ACAN: variants seen among roughly 807,000 people sequenced by gnomAD.
ACAN encodes the protein aggrecan.
ACAN carries 47 observed loss-of-function variants against 169.1 expected under a neutral mutation model. The ratio of observed to expected loss-of-function variants is 0.28; its 90% CI spans 0.22 to 0.35. The LOEUF (loss-of-function observed/expected upper bound fraction) is 0.35, where lower values mean the gene tolerates loss of function less well. Ranked by LOEUF, ACAN falls within the 10% of genes least tolerant of loss-of-function variation. The pLI, the probability that ACAN is intolerant of heterozygous loss-of-function variation, is 1.00. For missense variants in ACAN, 2,716 were observed against 2,759.9 expected (o/e 0.98, Z 0.36); for synonymous variants, 1,115 against 1,112.2 (o/e 1.00, Z -0.05).
Position 88,871,910 on chromosome 15 carries a change from C to A in ACAN, c.7220-93C>A. On this transcript the variant is annotated intron_variant, in intron 15 of 18. Coordinates refer to ENST00000560601, the MANE Select transcript of ACAN (RefSeq NM_001369268.1). The surrounding 1 kb of genome is among the most constrained non-coding windows in gnomAD (Gnocchi z 7.8). ...TCCTAGGAGCCCACCCACCTCCTTT[C>A]CTCCTCCATCCCCTCTGCCTCCGTG... 1.7e-6 allele frequency: 2 copies of A among 1,162,310 alleles called. No individual in the cohort carries two copies. Among genetic ancestry groups the A allele is most frequent in the Non-Finnish European group, 2.6e-6 (2 of 770,808 alleles). The allele number at this position is 1,162,310 out of a possible 1,614,324, so 72.0% of individuals were successfully genotyped here.
At chr15:88,820,234 C>CTAGT (rs1370194882) in intron 1 of ACAN, among the ~76,000 whole-genome samples, 5 of 152,156 alleles carry the variant, frequency 3.3e-5, no homozygotes, top group Admixed American at 1.3e-4. Context: ...CATGCTCCTC[C>CTAGT]CAGTCAGTCT....
At chr15:88,853,591 T>C (rs150886765) in intron 11 of ACAN, among the ~76,000 whole-genome samples, 1,715 of 152,196 alleles carry the variant, frequency 0.011, 25 homozygotes, top group African/African-American at 0.039. Flanking sequence ...TCAGCCAAGA[T>C]GGTGCCACCG....
At position 88,807,521 on chromosome 15, in the gene ACAN, G is replaced by A. The variant is rs1252612306; in HGVS notation, c.-8+3712G>A. Among the ~76,000 whole-genome samples the A allele has an allele frequency of 1.3e-5, 2 of 152,172 alleles. No homozygotes were observed. The highest frequency in any genetic ancestry group is 1.3e-4 in the Admixed American group (2 of 15,276). On this transcript the variant is annotated intron_variant, in intron 1 of 18. Transcript: ENST00000560601. This position sits in a 1 kb window ranked among gnomAD's most constrained non-coding sequence, Gnocchi z 4.0. ...CAACAGGACACAGCCATCCCTGCGA[G>A]GGAGTCTGGGCCCCTGGACGCAGTT...
intron 1 of ACAN, among the ~76,000 whole-genome samples, chr15:88,804,886 T>C (rs1895638777): frequency 6.6e-6 from 1 of 152,000 alleles, no homozygotes; most frequent in South Asian, 2.1e-4. Flanking sequence ...CAAAGCTGAA[T>C]TGGGTTAGCA....
chr15:88,830,524 C>T (rs1341175929), intron 1 of ACAN, among the ~76,000 whole-genome samples: 3 of 152,044 alleles, frequency 2.0e-5, no homozygotes, highest in East Asian at 1.9e-4. Flanking sequence ...GTACTGAATA[C>T]TGTATTTTTA....
intron 1 of ACAN, among the ~76,000 whole-genome samples, chr15:88,816,069 A>T (rs754793683): frequency 1.2e-4 from 18 of 152,062 alleles, no homozygotes; most frequent in Non-Finnish European, 2.4e-4. Context: ...CTCGGCTGTC[A>T]CTTGGTGATC....
At chr15:88,850,630 C>T (rs1026745743) in intron 10 of ACAN, 1 of 152,092 alleles carries the variant, frequency 6.6e-6, no homozygotes. Context: ...CCCAGACATC[C>T]AGGGTCACCT....
In ACAN at chr15:88,874,334, G is replaced by A. The variant is rs1347941758; in HGVS notation, c.7631-71G>A. The A allele has an allele frequency of 7.1e-7, 1 of 1,414,690 alleles. No homozygotes were observed. Among genetic ancestry groups the A allele is most frequent in the Non-Finnish European group, 9.8e-7 (1 of 1,023,478 alleles). 87.6% of individuals were successfully genotyped at this position (1,414,690 alleles called of 1,614,324 possible). On this transcript the variant is annotated intron_variant, in intron 18 of 18. Coordinates refer to ENST00000560601, the MANE Select transcript of ACAN (RefSeq NM_001369268.1). This position sits in a 1 kb window ranked among gnomAD's most constrained non-coding sequence, Gnocchi z 7.3. ...TTCCACAAGGGAGAGAGGGTAGTCT[G>A]GGGAGAGCCTGGGCTCGCCCCACTT...
At position 88,854,111 on chromosome 15, in the gene ACAN, T is replaced by C. The variant is rs183468036; in HGVS notation, c.2267-741T>C. Among the ~76,000 whole-genome samples, 178 of 152,378 alleles carry C rather than the reference T, an allele frequency of 1.2e-3. No homozygotes were observed. In the Middle Eastern group the frequency reaches 0.014, roughly 12 times the overall value. ...TTGTGGGGTTTCCTTTTTTCATTTC[T>C]CTGTTTTTCAAATTGTCTGTAACAG... On this transcript the variant is annotated intron_variant, in intron 11 of 18. Coordinates refer to ENST00000560601, the MANE Select transcript of ACAN (RefSeq NM_001369268.1).
chr15:88,804,335 G>A (rs1895621805), intron 1 of ACAN, among the ~76,000 whole-genome samples: 1 of 152,188 alleles, frequency 6.6e-6, no homozygotes, highest in Admixed American at 6.5e-5. Context: ...CGGGTCCTAA[G>A]CCGAGGCTAG....
chr15:88,836,323 A>C (rs991770830), intron 2 of ACAN, 47 bp downstream of exon 2: 11 of 1,489,434 alleles, frequency 7.4e-6, no homozygotes, highest in Non-Finnish European at 1.0e-5. Context: ...AGGCATGAGT[A>C]GTGGGTTTGA....
At position 88,873,897 on chromosome 15, in the gene ACAN, G is replaced by C; in HGVS notation, c.7503G>C (p.Lys2501Asn). 2 of 1,613,862 alleles carry C rather than the reference G, an allele frequency of 1.2e-6. No homozygotes were observed. The highest frequency in any genetic ancestry group is 1.7e-6 in the Non-Finnish European group (2 of 1,179,902). Reference sequence around the variant, plus strand: ...ATGCCAGGACCTTCGGGCAGAAGAAGGACCGGTATGAGATCAATTCCCTGG... The same window carrying C: ...ATGCCAGGACCTTCGGGCAGAAGAACGACCGGTATGAGATCAATTCCCTGG... ...VEHARTFGQK[K>N]DRYEINSLVR... Residue 2501 changes from lysine (K) to asparagine (N), a missense_variant, in exon 18 of 19, where the codon AAG becomes AAC. Physicochemically the swap from Lys to Asn is moderately conservative, Grantham distance 94. This residue lies in a region of ACAN where 1,389 missense variants were observed against 1,363.7 expected (regional missense o/e 1.02). Transcript: ENST00000560601. This position sits in a 1 kb window ranked among gnomAD's most constrained non-coding sequence, Gnocchi z 7.5.
chr15:88,859,654 C>G (rs534781631), intron 12 of ACAN, among the ~76,000 whole-genome samples: 5 of 152,206 alleles, frequency 3.3e-5, no homozygotes, highest in Non-Finnish European at 2.9e-5. Context: ...AAAGCAAGCA[C>G]TTAGCATCAC....
chr15:88,868,335 G>T lies in ACAN; in HGVS notation c.7060+6G>T. 1 of 702,488 alleles carries T rather than the reference G, an allele frequency of 1.4e-6. No individual in the cohort carries two copies. The highest frequency in any genetic ancestry group is 2.7e-5 in the East Asian group (1 of 37,282). The allele number at this position is 702,488 out of a possible 1,614,324, so 43.5% of individuals were successfully genotyped here. A position where few individuals can be genotyped will look rare whatever the true frequency, so the allele number is the denominator to read the frequency against. ...AGGGGACCTGTGTGAGATTGGTACG[G>T]CCGTCTTGGCTTCAGCTAATGTTAC... is the stretch of plus-strand genomic sequence containing the variant. On this transcript the variant is annotated splice_donor_region_variant and intron_variant, in intron 14 of 18. Transcript: ENST00000560601. This position sits in a 1 kb window ranked among gnomAD's most constrained non-coding sequence, Gnocchi z 5.2.
At position 88,868,442 on chromosome 15, in the gene ACAN, A is replaced by G. The variant is rs906955413; in HGVS notation, c.7060+113A>G. ...GCCCTGGCTGGGGCCCCCGAGGTTC[A>G]TCTGGAGAGCCATTTCAGGGGCCAC... On this transcript the variant is annotated intron_variant, in intron 14 of 18. Coordinates refer to ENST00000560601, the MANE Select transcript of ACAN (RefSeq NM_001369268.1). This position sits in a 1 kb window ranked among gnomAD's most constrained non-coding sequence, Gnocchi z 5.2. 2.6e-5 allele frequency: 15 copies of G among 582,952 alleles called. No homozygotes were observed. Among genetic ancestry groups the G allele is most frequent in the Non-Finnish European group, 4.3e-5 (14 of 327,706 alleles). 36.1% of individuals were successfully genotyped at this position (582,952 alleles called of 1,614,324 possible).
In ACAN at chr15:88,858,212, G is replaced by A. The variant is rs546936803; in HGVS notation, c.5627G>A (p.Gly1876Glu). ...AAATCTGGGATGGTGGATGTCAGTG[G>A]ACAGTTTTCTGGAACAGTCGATTCC... ...SGKSGMVDVS[G>E]QFSGTVDSSG... Residue 1876 changes from glycine (G) to glutamate (E), a missense_variant, in exon 12 of 19, where the codon GGA (glycine) becomes GAA (glutamate). Transcript: ENST00000560601. The surrounding 1 kb of genome is among the most constrained non-coding windows in gnomAD (Gnocchi z 4.0). 3.0e-5 allele frequency: 48 copies of A among 1,613,966 alleles called. No individual in the cohort carries two copies. The South Asian group carries it at 4.7e-4, about 16-fold the overall frequency.
intron 1 of ACAN, among the ~76,000 whole-genome samples, chr15:88,832,402 G>C (rs1361345302): frequency 2.6e-5 from 4 of 151,466 alleles, no homozygotes; most frequent in African/African-American, 4.9e-5. Flanking sequence ...TTGAGGACAG[G>C]AGTTCGAGAC....
In ACAN at chr15:88,817,299, G is replaced by A. The variant is rs746083456; in HGVS notation, c.-8+13490G>A. Among the ~76,000 whole-genome samples the A allele has an allele frequency of 5.9e-5, 9 of 151,988 alleles. No individual in the cohort carries two copies. The Middle Eastern group carries it at 0.01, about 172-fold the overall frequency. ...TGTGACTACAGGTGTGTGCCACCAC[G>A]CCCGACTAATTTTTTTGTATTTTTA... On this transcript the variant is annotated intron_variant, in intron 1 of 18. Transcript: ENST00000560601.
intron 11 of ACAN, among the ~76,000 whole-genome samples, chr15:88,852,666 C>G (rs547033289): frequency 2.6e-5 from 4 of 152,204 alleles, no homozygotes; most frequent in Non-Finnish European, 5.9e-5. Context: ...TCACTGCAGA[C>G]CTTCTCAGAG....
Sources: gnomAD v4.1 joint callset for allele counts (sites outside exome capture counted in the v4.1 genomes callset) on GRCh38, gnomAD v4.1.1 for gene constraint, gnomAD v4.1.1 regional missense constraint, Gnocchi (gnomAD v3.1) non-coding constraint, MANE v1.5 for transcripts, NCBI Gene and HGNC (gene_info 2026-07-23, HGNC 2026-07-21) for gene names.